Variants in DAB1 observed in about 807,000 individuals in gnomAD.
DAB1 encodes the protein disabled homolog 1.
DAB1 carries 15 observed loss-of-function variants against 64.6 expected under a neutral mutation model. The ratio of observed to expected loss-of-function variants is 0.23; its 90% CI spans 0.16 to 0.36. The LOEUF is 0.36. DAB1 is among the 10% of genes least tolerant of loss of function. The pLI, the probability that DAB1 is intolerant of heterozygous loss-of-function variation, is 1.00. For synonymous variants in DAB1, 235 were observed against 251.9 expected, an observed-to-expected ratio of 0.93 and a Z score of 0.64; for missense variants, 596 against 706.7, an observed-to-expected ratio of 0.84 and a Z score of 1.78.
rs950899297 is a variant in DAB1, at chr1:58,374,501, G to A, written n.258-31098C>T. 6.9e-3 allele frequency among the ~76,000 whole-genome samples: 1,052 copies of A among 151,808 alleles called. 11 individuals are homozygous for A. The highest frequency in any genetic ancestry group is 0.024 in the African/African-American group (1,012 of 41,374). On this transcript the variant is annotated intron_variant and non_coding_transcript_variant, in intron 3 of 20. Coordinates refer to the DAB1 transcript ENST00000485760. ...GATCACATAGTTGTAGGTAAGCAGCGTTATTTCTGAGGGCTCTGTTCTGTT... is the reference window on the plus strand; with the variant it reads ...GATCACATAGTTGTAGGTAAGCAGCATTATTTCTGAGGGCTCTGTTCTGTT...
chr1:58,541,312 A>C (rs1157496962), intron 1 of DAB1, among the ~76,000 whole-genome samples: 24 of 119,294 alleles, frequency 2.0e-4, no homozygotes, highest in African/African-American at 6.8e-4. Context: ...AAAAAAAAAA[A>C]AAAAAAAAAA....
chr1:58,105,147 C>T (rs893010731), intron 5 of DAB1, among the ~76,000 whole-genome samples: 1 of 152,236 alleles, frequency 6.6e-6, no homozygotes, highest in African/African-American at 2.4e-5. Context: ...AGATCAAGCC[C>T]TGCAAAAGAT....
intron 3 of DAB1, among the ~76,000 whole-genome samples, chr1:57,143,683 T>C (rs1658830355): frequency 6.6e-6 from 1 of 152,128 alleles, no homozygotes; most frequent in Non-Finnish European, 1.5e-5. Context: ...ATATATATGC[T>C]AACCTACTAG....
intron 4 of DAB1, among the ~76,000 whole-genome samples, chr1:58,255,801 C>G (rs1005618832): frequency 1.3e-5 from 2 of 152,158 alleles, no homozygotes; most frequent in Non-Finnish European, 2.9e-5. Flanking sequence ...TGGTGACAGA[C>G]TCAAAACTCA....
intron 5 of DAB1, among the ~76,000 whole-genome samples, chr1:58,000,564 CTTTT>C (rs869176789): frequency 4.9e-4 from 47 of 95,736 alleles, no homozygotes; most frequent in African/African-American, 1.7e-3. Flanking sequence ...TCTTTTTTGC[CTTTT>C]TTTTTTTTTT....
chr1:57,479,787 C>T (rs1643988634), intron 7 of DAB1, among the ~76,000 whole-genome samples: 2 of 152,158 alleles, frequency 1.3e-5, no homozygotes, highest in Non-Finnish European at 2.9e-5. Context: ...GTGTCTCTAG[C>T]ATGGCAGACC....
At chr1:58,452,898 C>T (rs1645154429) in intron 3 of DAB1, among the ~76,000 whole-genome samples, 1 of 151,662 alleles carries the variant, frequency 6.6e-6, no homozygotes, top group South Asian at 2.1e-4. Context: ...TACAGCTCAG[C>T]AGTCCCATTC....
At chr1:57,990,628 C>T (rs1646320223) in intron 5 of DAB1, among the ~76,000 whole-genome samples, 1 of 152,170 alleles carries the variant, frequency 6.6e-6, no homozygotes, top group African/African-American at 2.4e-5. Flanking sequence ...CTGTTGCTGC[C>T]TTTCCCCCAG....
chr1:57,501,917 T>A (rs1401670642), intron 7 of DAB1, among the ~76,000 whole-genome samples: 26 of 152,172 alleles, frequency 1.7e-4, no homozygotes, highest in Non-Finnish European at 1.5e-5. Context: ...GCAGAACTTT[T>A]GTTAGTGTTT....
intron 2 of DAB1, among the ~76,000 whole-genome samples, chr1:57,284,530 T>C (rs1672159876): frequency 6.6e-6 from 1 of 152,180 alleles, no homozygotes; most frequent in Admixed American, 6.5e-5. Context: ...AGGTGACTTG[T>C]CTGAAGTTAG....
chr1:58,139,442 T>C (rs1179528187), intron 5 of DAB1, among the ~76,000 whole-genome samples: 2 of 152,164 alleles, frequency 1.3e-5, no homozygotes, highest in Non-Finnish European at 2.9e-5. Flanking sequence ...CACGTCCTTC[T>C]TCACATGGCA....
downstream of DAB1, among the ~76,000 whole-genome samples, chr1:57,821,077 A>C (rs557205017): frequency 9.9e-5 from 15 of 152,234 alleles, no homozygotes; most frequent in African/African-American, 3.1e-4. Context: ...ACCCACCCCC[A>C]AAAAAGAAAA....
chr1:57,806,928 A>G (rs1269112136), intron 6 of DAB1, among the ~76,000 whole-genome samples: 2 of 151,984 alleles, frequency 1.3e-5, no homozygotes, highest in South Asian at 2.1e-4. Flanking sequence ...GAGGACAGGG[A>G]TTTTGTTTGT....
At chr1:57,071,857 T>C (rs1040630962) in intron 5 of DAB1, among the ~76,000 whole-genome samples, 16 of 152,192 alleles carry the variant, frequency 1.1e-4, no homozygotes, top group African/African-American at 3.9e-4. Context: ...TTCATAATAA[T>C]CATAAGCATA....
intron 1 of DAB1, among the ~76,000 whole-genome samples, chr1:57,389,957 G>A (rs1682205920): frequency 6.6e-6 from 1 of 152,204 alleles, no homozygotes; most frequent in African/African-American, 2.4e-5. Context: ...AATATGTCAA[G>A]TAATTTGCTC....
At chr1:57,902,215 A>C (rs760824426) in intron 5 of DAB1, among the ~76,000 whole-genome samples, 28 of 152,002 alleles carry the variant, frequency 1.8e-4, no homozygotes, top group Non-Finnish European at 3.5e-4. Context: ...TAATTATAGC[A>C]CAAAGAACAC....
At chr1:57,136,995 G>A (rs1658184934) in intron 3 of DAB1, among the ~76,000 whole-genome samples, 1 of 151,936 alleles carries the variant, frequency 6.6e-6, no homozygotes, top group Non-Finnish European at 1.5e-5. Context: ...ATTAGATATG[G>A]TTTCAATCTT....
chr1:57,466,024 T>C (rs189362871), intron 7 of DAB1, among the ~76,000 whole-genome samples: 150 of 152,296 alleles, frequency 9.8e-4, no homozygotes, highest in South Asian at 8.7e-3. Flanking sequence ...ATGCTCTCTT[T>C]AATAGCTAGG....
intron 6 of DAB1, among the ~76,000 whole-genome samples, chr1:57,708,627 G>A (rs895450876): frequency 1.3e-5 from 2 of 152,188 alleles, no homozygotes; most frequent in Non-Finnish European, 2.9e-5. Flanking sequence ...TCCCAATGGG[G>A]CACAGAATTT....
Sources: gnomAD v4.1 joint callset for allele counts (sites outside exome capture counted in the v4.1 genomes callset) on GRCh38, gnomAD v4.1.1 for gene constraint, MANE v1.5 for transcripts, NCBI Gene and HGNC (gene_info 2026-07-23, HGNC 2026-07-21) for gene names.